PAX8: variants seen among roughly 807,000 people sequenced by gnomAD.
PAX8 encodes the protein paired box protein Pax-8.
In PAX8, 15 loss-of-function variants were observed where a neutral mutation model predicts 52.4. The ratio of observed to expected loss-of-function variants is 0.29; its 90% confidence interval spans 0.19 to 0.44. The LOEUF (loss-of-function observed/expected upper bound fraction) is 0.44, where lower values mean the gene tolerates loss of function less well. Ranked by LOEUF, PAX8 falls within the 20% of genes least tolerant of loss-of-function variation. The probability of loss-of-function intolerance (pLI) is 1.00; values close to 1 mark genes in which losing one functional copy is unlikely to be tolerated. For synonymous variants in PAX8, 284 were observed against 249.7 expected, an observed-to-expected ratio of 1.14 and a Z score of -1.29; for missense variants, 554 against 602.5, an observed-to-expected ratio of 0.92 and a Z score of 0.84.
chr2:113,227,139 C>A lies in PAX8; in HGVS notation c.1189+16G>T. 1 of 1,572,692 alleles carries A rather than the reference C, an allele frequency of 6.4e-7. No homozygotes were observed. The highest frequency in any genetic ancestry group is 8.6e-7 in the Non-Finnish European group (1 of 1,160,822). On this transcript the variant is annotated intron_variant, in intron 10 of 11. Transcript: ENST00000429538. ...CCTCTTTGCAGTGCTCCCCTTCCTGCCGGCCCTCTCCTTACCTGCCACCAT... is the reference window on the plus strand; with the variant it reads ...CCTCTTTGCAGTGCTCCCCTTCCTGACGGCCCTCTCCTTACCTGCCACCAT...
At chr2:113,236,579 A>G (rs758015193) in intron 8 of PAX8, 22 bp downstream of exon 8, 4 of 1,552,612 alleles carry the variant, frequency 2.6e-6, no homozygotes, top group East Asian at 2.4e-5. Flanking sequence ...TCCACCTGCC[A>G]GGGAGGCTCC....
intron 10 of PAX8, among the ~76,000 whole-genome samples, chr2:113,221,207 CTT>C (rs1689254774): frequency 6.6e-6 from 1 of 152,198 alleles, no homozygotes; most frequent in Non-Finnish European, 1.5e-5. Flanking sequence ...CCTTAGGGCT[CTT>C]GACTCCAAAT....
intron 2 of PAX8, chr2:113,272,388 C>G (rs747681800): frequency 1.3e-5 from 2 of 152,174 alleles, no homozygotes; most frequent in Non-Finnish European, 2.9e-5. Context: ...ACGAAGGGGT[C>G]TAGAGGGGCT....
At chr2:113,219,890 C>A (rs1032071630) in intron 11 of PAX8, among the ~76,000 whole-genome samples, 6 of 152,170 alleles carry the variant, frequency 3.9e-5, no homozygotes, top group Non-Finnish European at 5.9e-5. Flanking sequence ...TGCCTGGAAG[C>A]CTCTGGACTT....
intron 2 of PAX8, chr2:113,273,462 C>T (rs112521625): frequency 8.9e-4 from 1 of 1,122 alleles, no homozygotes; most frequent in Admixed American, 0.016. Flanking sequence ...CAGCTTTACT[C>T]TTTGATCTAG....
intron 2 of PAX8, chr2:113,269,383 T>C (rs1332681112): frequency 6.6e-6 from 1 of 152,232 alleles, no homozygotes; most frequent in African/African-American, 2.4e-5. Flanking sequence ...AAAATGAACT[T>C]TGGTGCTCCT....
chr2:113,247,489 A>C (rs1169902363), intron 2 of PAX8, among the ~76,000 whole-genome samples: 1 of 151,988 alleles, frequency 6.6e-6, no homozygotes, highest in Non-Finnish European at 1.5e-5. Flanking sequence ...CTGTCTGTGG[A>C]CTTCTGGCCT....
In PAX8 at chr2:113,216,137, C is replaced by T. The variant is rs1350677658; in HGVS notation, c.*2396G>A. On this transcript the variant is annotated 3_prime_UTR_variant, in exon 12 of 12. Transcript: ENST00000429538. ...TATGGGCTCCTTGGGATGCTGTGCT[C>T]AAAGTGATTCTTGGGTAGGGAGCCC... 3 of 229,318 alleles carry T rather than the reference C, an allele frequency of 1.3e-5. No homozygotes were observed. Among genetic ancestry groups the T allele is most frequent in the Non-Finnish European group, 2.6e-5 (3 of 115,680 alleles). 14.2% of individuals were successfully genotyped at this position (229,318 alleles called of 1,614,324 possible). A position where few individuals can be genotyped will look rare whatever the true frequency, so the allele number is the denominator to read the frequency against.
intron 3 of PAX8, among the ~76,000 whole-genome samples, chr2:113,245,016 TTGGCTAA>T (rs1691192897): frequency 6.6e-6 from 1 of 151,996 alleles, no homozygotes; most frequent in Admixed American, 6.6e-5. Context: ...CCAGCTTCTT[TTGGCTAA>T]AGCACGACTG....
chr2:113,278,509 T>C, intron 1 of PAX8, 40 bp from the exon 2 acceptor site: 1 of 1,484,024 alleles, frequency 6.7e-7, no homozygotes, highest in Non-Finnish European at 9.2e-7. Flanking sequence ...TGCGATGAGA[T>C]TCGATGCCTG....
In PAX8 at chr2:113,247,633, C is replaced by T. The variant is rs191677907; in HGVS notation, c.26-714G>A. ...CTACAGGCCACTGTGGGAATCTATC[C>T]ACGTCATGGATGTGTGTACACGTTC... On this transcript the variant is annotated intron_variant, in intron 2 of 11. Transcript: ENST00000429538. Among the ~76,000 whole-genome samples, 79 of 152,334 alleles carry T rather than the reference C, an allele frequency of 5.2e-4. No homozygotes were observed. The East Asian group carries it at 0.014, about 26-fold the overall frequency.
chr2:113,241,476 C>CACAG, intron 7 of PAX8, 75 bp downstream of exon 7: 1 of 1,429,182 alleles, frequency 7.0e-7, no homozygotes, highest in South Asian at 1.2e-5. Context: ...TTTGATGGAG[C>CACAG]ACAGGCTCAT....
intron 9 of PAX8, among the ~76,000 whole-genome samples, chr2:113,230,957 A>G (rs184635390): frequency 1.4e-3 from 220 of 152,338 alleles, no homozygotes; most frequent in Middle Eastern, 3.4e-3. Flanking sequence ...CTGGCCGTGG[A>G]GTTCTCTAAG....
chr2:113,241,282 G>A, intron 7 of PAX8: 1 of 579,194 alleles, frequency 1.7e-6, no homozygotes. Flanking sequence ...TGATGGCAAG[G>A]GATAGCATCA....
intron 10 of PAX8, among the ~76,000 whole-genome samples, chr2:113,223,514 C>A (rs1287924171): frequency 1.3e-5 from 2 of 152,194 alleles, no homozygotes; most frequent in Non-Finnish European, 2.9e-5. Context: ...CTCGACCCAG[C>A]CACTACAATT....
At chr2:113,269,111 G>C (rs1394292026) in intron 2 of PAX8, 1 of 152,282 alleles carries the variant, frequency 6.6e-6, no homozygotes, top group Non-Finnish European at 1.5e-5. Context: ...GGGAAAGTTT[G>C]CATATCTGTG....
rs566213233 is a variant in PAX8, at chr2:113,220,238, G to T, written c.1190-60C>A. On this transcript the variant is annotated intron_variant, in intron 10 of 11. Transcript: ENST00000429538. ...TGAAGGGCATCAATGCAGGGCTGGGGTGTGGGAAGGTCTGCAGGGCTGGCA... is the reference window on the plus strand; with the variant it reads ...TGAAGGGCATCAATGCAGGGCTGGGTTGTGGGAAGGTCTGCAGGGCTGGCA... 3.5e-5 allele frequency: 47 copies of T among 1,330,878 alleles called. 1 individual carries two copies. In the South Asian group the frequency reaches 5.4e-4, roughly 15 times the overall value. 82.4% of individuals were successfully genotyped at this position (1,330,878 alleles called of 1,614,324 possible). A position where few individuals can be genotyped will look rare whatever the true frequency, so the allele number is the denominator to read the frequency against.
chr2:113,243,554 G>A (rs1349050708), intron 4 of PAX8, among the ~76,000 whole-genome samples: 1 of 152,156 alleles, frequency 6.6e-6, no homozygotes, highest in African/African-American at 2.4e-5. Flanking sequence ...ACCACACCCA[G>A]TTAATTTTTG....
chr2:113,241,657 C>G lies in PAX8; in HGVS notation c.671G>C (p.Arg224Pro). Reference sequence around the variant, plus strand: ...GTGGTGCTGGCTGAAGGCATCCGTGCGAAGGTGCTTTCGGGGTCCGCTGCT... The same window carrying G: ...GTGGTGCTGGCTGAAGGCATCCGTGGGAAGGTGCTTTCGGGGTCCGCTGCT... ...SSSSGPRKHL[R>P]TDAFSQHHLE... is the part of the protein sequence containing the mutation. The change falls in exon 7 of 12, where the codon CGC becomes CCC. Residue 224 changes from arginine to proline, a missense_variant. By Grantham distance (103) the Arg-to-Pro change is moderately radical. Coordinates refer to ENST00000429538, the MANE Select transcript of PAX8 (RefSeq NM_003466.4). The G allele has an allele frequency of 6.2e-7, 1 of 1,614,144 alleles. No individual in the cohort carries two copies. The highest frequency in any genetic ancestry group is 1.1e-5 in the South Asian group (1 of 91,082).
Sources: gnomAD v4.1 joint callset for allele counts (sites outside exome capture counted in the v4.1 genomes callset) on GRCh38, gnomAD v4.1.1 for gene constraint, MANE v1.5 for transcripts, NCBI Gene and HGNC (gene_info 2026-07-23, HGNC 2026-07-21) for gene names.